Variants in CTIF observed in about 807,000 individuals in gnomAD.
CTIF encodes cap binding complex dependent translation initiation factor, also known as CBP80/20-dependent translation initiation factor.
Under a neutral mutation model 66.0 loss-of-function variants are expected in CTIF, and 21 were observed. That is an observed-to-expected ratio of 0.32 (90% CI 0.23 to 0.46). The LOEUF is 0.46. Among genes scored for constraint, CTIF ranks in the 20% least tolerant of loss-of-function variants. The probability of loss-of-function intolerance (pLI) is 1.00; values close to 1 mark genes in which losing one functional copy is unlikely to be tolerated. For synonymous variants in CTIF, 345 were observed against 326.4 expected, an observed-to-expected ratio of 1.06 and a Z score of -0.62; for missense variants, 739 against 812.7, an observed-to-expected ratio of 0.91 and a Z score of 1.10.
At chr18:48,724,584 C>G (rs1055247311) in intron 7 of CTIF, among the ~76,000 whole-genome samples, 1 of 152,186 alleles carries the variant, frequency 6.6e-6, no homozygotes, top group Non-Finnish European at 1.5e-5. Context: ...TATTCATGGC[C>G]TCATTCATCC....
intron 10 of CTIF, among the ~76,000 whole-genome samples, chr18:48,851,228 G>A (rs372353750): frequency 2.0e-5 from 3 of 152,230 alleles, no homozygotes; most frequent in Non-Finnish European, 4.4e-5. Context: ...GAGTTTGGGC[G>A]TGCCCAGGGA....
At chr18:48,545,128 G>A (rs1373975074) in intron 1 of CTIF, among the ~76,000 whole-genome samples, 1 of 152,210 alleles carries the variant, frequency 6.6e-6, no homozygotes, top group East Asian at 1.9e-4. Context: ...CAGGGAGAAG[G>A]CATGGCGTGC....
intron 9 of CTIF, among the ~76,000 whole-genome samples, chr18:48,767,899 A>C (rs1531780): frequency 0.44 from 66,859 of 151,948 alleles, 15,123 homozygotes; most frequent in East Asian, 0.74. Flanking sequence ...TGACTTTAGC[A>C]CAGAAGGGGC....
At chr18:48,645,398 C>G (rs1193759908) in intron 3 of CTIF, among the ~76,000 whole-genome samples, 1 of 151,640 alleles carries the variant, frequency 6.6e-6, no homozygotes, top group Non-Finnish European at 1.5e-5. Context: ...AAACAAAAAA[C>G]TTTTCGACTG....
chr18:48,610,240 C>G (rs2090281387), intron 1 of CTIF, among the ~76,000 whole-genome samples: 1 of 152,212 alleles, frequency 6.6e-6, no homozygotes, highest in East Asian at 1.9e-4. Flanking sequence ...AAGGTGTCAC[C>G]AGGCAGCCTG....
chr18:48,572,501 G>T (rs1258224083), intron 1 of CTIF, among the ~76,000 whole-genome samples: 1 of 152,148 alleles, frequency 6.6e-6, no homozygotes, highest in African/African-American at 2.4e-5. Flanking sequence ...GCTCAGAGAG[G>T]TAAATTAAAT....
At chr18:48,653,780 C>A (rs1477149525) in intron 3 of CTIF, among the ~76,000 whole-genome samples, 3 of 152,106 alleles carry the variant, frequency 2.0e-5, no homozygotes, top group African/African-American at 7.2e-5. Context: ...AAACAGAGAG[C>A]TAGACCAATG....
At chr18:48,683,187 G>A (rs9960949) in intron 6 of CTIF, 79,822 of 151,798 alleles carry the variant, frequency 0.53, 22,281 homozygotes, top group African/African-American at 0.71. Context: ...ACTTCTGTCT[G>A]CAAAGAGAAT....
intron 3 of CTIF, among the ~76,000 whole-genome samples, chr18:48,652,314 C>G: frequency 6.6e-6 from 1 of 152,148 alleles, no homozygotes; most frequent in South Asian, 2.1e-4. Context: ...CACCACTGAT[C>G]CCACAGAAAT....
intron 7 of CTIF, among the ~76,000 whole-genome samples, chr18:48,751,210 T>C (rs1372016961): frequency 6.6e-6 from 1 of 152,156 alleles, no homozygotes; most frequent in African/African-American, 2.4e-5. Context: ...AGGGCCTGCG[T>C]TTGGTTTATG....
chr18:48,647,460 A>G (rs1417353168), intron 3 of CTIF, among the ~76,000 whole-genome samples: 3 of 152,224 alleles, frequency 2.0e-5, no homozygotes, highest in African/African-American at 7.2e-5. Context: ...AAGAGGATGA[A>G]GAGACAAGTT....
Position 48,761,465 on chromosome 18 carries a change from C to T in CTIF, c.1147C>T (p.Arg383Trp), listed in dbSNP as rs773375297. Residue 383 changes from arginine to tryptophan, a missense_variant, in exon 9 of 12, where the codon CGG becomes TGG. Physicochemically the swap from Arg to Trp is moderately radical, Grantham distance 101. This residue lies in a region of CTIF where 529 missense variants were observed against 520.3 expected (regional missense o/e 1.02). Coordinates refer to ENST00000256413, the MANE Select transcript of CTIF (RefSeq NM_014772.3). This position sits in a 1 kb window ranked among gnomAD's most constrained non-coding sequence, Gnocchi z 4.2. ...GCTGATCGAGATCCTGAACAGCATG[C>T]GGAACAACAGCAGCGACGTGGACAC... ...DKLIEILNSM[R>W]NNSSDVDTKL... 2.6e-5 allele frequency: 42 copies of T among 1,614,004 alleles called. No homozygotes were observed. Among genetic ancestry groups the T allele is most frequent in the Middle Eastern group, 1.6e-4 (1 of 6,084 alleles).
intron 1 of CTIF, among the ~76,000 whole-genome samples, chr18:48,580,820 A>T (rs1476891507): frequency 6.6e-6 from 1 of 152,158 alleles, no homozygotes; most frequent in Non-Finnish European, 1.5e-5. Flanking sequence ...CACCTCAAGG[A>T]TTAGAGTTCT....
At position 48,754,533 on chromosome 18, in the gene CTIF, C is replaced by T. The variant is rs144821126; in HGVS notation, c.585-3386C>T. Among the ~76,000 whole-genome samples, 67 of 152,372 alleles carry T rather than the reference C, an allele frequency of 4.4e-4. 1 individual carries two copies. The East Asian group carries it at 0.012, about 28-fold the overall frequency. ...GTCTTAGTGCCTCTTCCTCCAGTGG[C>T]ATCTGGGTTCTTCCCTGCCCTCCCA... On this transcript the variant is annotated intron_variant, in intron 7 of 11. Coordinates refer to ENST00000256413, the MANE Select transcript of CTIF (RefSeq NM_014772.3).
At chr18:48,593,006 T>C (rs1397296694) in intron 1 of CTIF, among the ~76,000 whole-genome samples, 1 of 152,230 alleles carries the variant, frequency 6.6e-6, no homozygotes, top group Non-Finnish European at 1.5e-5. Flanking sequence ...ATACAGCCCA[T>C]GTCCTGCCTT....
At chr18:48,560,319 A>G (rs542780995) in intron 1 of CTIF, among the ~76,000 whole-genome samples, 1 of 146,374 alleles carries the variant, frequency 6.8e-6, no homozygotes, top group Admixed American at 7.0e-5. Context: ...CTCGCCTCCC[A>G]GGTTCACGCC....
Position 48,711,556 on chromosome 18 carries a change from C to T in CTIF, c.508-63C>T, listed in dbSNP as rs2092223392. Reference sequence around the variant, plus strand: ...GATGCTGGTGTACTTAGTGCAGTCCCAGAGGTGCTTTGCTCTCTTTCAGGA... The same window carrying T: ...GATGCTGGTGTACTTAGTGCAGTCCTAGAGGTGCTTTGCTCTCTTTCAGGA... On this transcript the variant is annotated intron_variant, in intron 6 of 11. Coordinates refer to ENST00000256413, the MANE Select transcript of CTIF (RefSeq NM_014772.3). The T allele has an allele frequency of 1.4e-5, 19 of 1,328,142 alleles. No homozygotes were observed. The South Asian group carries it at 2.3e-4, about 16-fold the overall frequency. 82.3% of individuals were successfully genotyped at this position (1,328,142 alleles called of 1,614,324 possible).
intron 1 of CTIF, among the ~76,000 whole-genome samples, chr18:48,560,183 AC>A (rs2089121009): frequency 6.6e-6 from 1 of 150,548 alleles, no homozygotes; most frequent in Admixed American, 6.6e-5. Flanking sequence ...GGGGACACAG[AC>A]CCTACTTCTT....
chr18:48,558,695 A>G (rs1166207007), intron 1 of CTIF, among the ~76,000 whole-genome samples: 3 of 152,216 alleles, frequency 2.0e-5, no homozygotes, highest in East Asian at 1.9e-4. Flanking sequence ...AGATTCTTAA[A>G]CAGCAACTTG....
Sources: gnomAD v4.1 joint callset for allele counts (sites outside exome capture counted in the v4.1 genomes callset) on GRCh38, gnomAD v4.1.1 for gene constraint, gnomAD v4.1.1 regional missense constraint, Gnocchi (gnomAD v3.1) non-coding constraint, MANE v1.5 for transcripts, NCBI Gene and HGNC (gene_info 2026-07-23, HGNC 2026-07-21) for gene names.